The following HYDIN variants were observed in gnomAD, a reference collection of about 807,000 sequenced individuals.
HYDIN encodes the protein axonemal central pair apparatus protein HYDIN.
HYDIN carries 132 observed loss-of-function variants against 403.9 expected under a neutral mutation model. The ratio of observed to expected loss-of-function variants is 0.33; its 90% CI spans 0.28 to 0.38. The LOEUF is 0.38. Among genes scored for constraint, HYDIN ranks in the 10% least tolerant of loss-of-function variants. HYDIN has a pLI of 1.00. For missense variants in HYDIN, 2,827 were observed against 5,009.5 expected, an observed-to-expected ratio of 0.56 and a Z score of 13.15; for synonymous variants, 1,202 against 1,891.7, an observed-to-expected ratio of 0.64 and a Z score of 9.46.
In HYDIN at chr16:71,175,754, A is replaced by G. The variant is rs2086646098; in HGVS notation, c.382-13T>C. The G allele has an allele frequency of 6.2e-7, 1 of 1,613,812 alleles. No individual in the cohort carries two copies. Among genetic ancestry groups the G allele is most frequent in the African/African-American group, 1.3e-5 (1 of 74,942 alleles). ...CCAACCTTGGAATCTGCAGGGAAAC[A>G]CATGATGATGAACATCGTGCATGTG... On this transcript the variant is annotated splice_polypyrimidine_tract_variant and intron_variant, in intron 4 of 85. Coordinates refer to ENST00000393567, the MANE Select transcript of HYDIN (RefSeq NM_001270974.2).
intron 7 of HYDIN, among the ~76,000 whole-genome samples, chr16:71,137,896 C>CATAAGTAACCACATCCCTAAACAGCAATT (rs1039618290): frequency 2.0e-5 from 3 of 150,610 alleles, no homozygotes; most frequent in Non-Finnish European, 4.4e-5. Flanking sequence ...TAAAACAAAA[C>CATAAGTAACCACATCCCTAAACAGCAATT]AAAACAAAAC....
At chr16:71,198,189 T>C (rs951741536) in intron 1 of HYDIN, among the ~76,000 whole-genome samples, 2 of 152,398 alleles carry the variant, frequency 1.3e-5, no homozygotes, top group Non-Finnish European at 2.9e-5. Flanking sequence ...TTTTATTATA[T>C]ACAGCTGTAG....
At chr16:70,931,777 G>A (rs1487935737) in intron 45 of HYDIN, among the ~76,000 whole-genome samples, 1 of 152,120 alleles carries the variant, frequency 6.6e-6, no homozygotes, top group Admixed American at 6.5e-5. Flanking sequence ...CACTTTGGGA[G>A]GCCAAGGTGG....
At chr16:70,931,998 G>A (rs1401884672) in intron 45 of HYDIN, among the ~76,000 whole-genome samples, 6 of 98,710 alleles carry the variant, frequency 6.1e-5, no homozygotes, top group Admixed American at 1.5e-4. Flanking sequence ...GCGACAGAGC[G>A]AGACTTGTAT....
At chr16:70,931,360 G>A (rs2077326156) in intron 45 of HYDIN, among the ~76,000 whole-genome samples, 1 of 150,626 alleles carries the variant, frequency 6.6e-6, no homozygotes, top group Non-Finnish European at 1.5e-5. Flanking sequence ...CCTGAATTGA[G>A]TCTTCTATTT....
chr16:71,203,117 T>C (rs1441531166), intron 1 of HYDIN, among the ~76,000 whole-genome samples: 1 of 152,144 alleles, frequency 6.6e-6, no homozygotes, highest in African/African-American at 2.4e-5. Context: ...AAGCCAAGTA[T>C]ATAAAAGCAG....
chr16:71,198,288 C>T (rs903953028), intron 1 of HYDIN, among the ~76,000 whole-genome samples: 1 of 152,144 alleles, frequency 6.6e-6, no homozygotes, highest in African/African-American at 2.4e-5. Context: ...TTGTTTCCAA[C>T]TTGAGGTTGT....
chr16:71,025,812 T>TA (rs948336878), intron 20 of HYDIN, among the ~76,000 whole-genome samples: 2 of 151,952 alleles, frequency 1.3e-5, no homozygotes, highest in Admixed American at 1.3e-4. Flanking sequence ...ACAAGACAGA[T>TA]AAAATCTTTC....
intron 5 of HYDIN, among the ~76,000 whole-genome samples, chr16:71,172,247 T>C (rs777693929): frequency 2.0e-5 from 3 of 152,242 alleles, no homozygotes; most frequent in Non-Finnish European, 2.9e-5. Context: ...CACCACTGCA[T>C]GCTTTCTTCA....
chr16:71,050,340 T>C (rs2144229168), intron 18 of HYDIN, among the ~76,000 whole-genome samples: 1 of 144,268 alleles, frequency 6.9e-6, no homozygotes, highest in East Asian at 1.9e-4. Context: ...AACCATCAAA[T>C]AGAATCATAT....
intron 7 of HYDIN, among the ~76,000 whole-genome samples, chr16:71,148,454 C>T (rs1379116660): frequency 2.0e-5 from 3 of 152,154 alleles, no homozygotes; most frequent in Non-Finnish European, 4.4e-5. Flanking sequence ...CTGCAGATGA[C>T]CTGTTTGTGT....
intron 67 of HYDIN, among the ~76,000 whole-genome samples, chr16:70,863,449 G>A (rs571040579): frequency 1.3e-5 from 2 of 152,066 alleles, no homozygotes; most frequent in African/African-American, 2.4e-5. Flanking sequence ...CCTGTGCAGC[G>A]AGCTCTCAGC....
At chr16:71,059,654 G>T (rs2082017615) in intron 18 of HYDIN, among the ~76,000 whole-genome samples, 2 of 152,120 alleles carry the variant, frequency 1.3e-5, no homozygotes, top group African/African-American at 2.4e-5. Flanking sequence ...GAGGAAGAGA[G>T]AATATAAAAA....
intron 14 of HYDIN, among the ~76,000 whole-genome samples, chr16:71,067,618 C>T (rs916337697): frequency 5.9e-5 from 9 of 151,334 alleles, no homozygotes; most frequent in African/African-American, 2.2e-4. Flanking sequence ...TGGCTTTGCT[C>T]ATTTCTGAGG....
chr16:70,962,878 G>A (rs1275068214), intron 37 of HYDIN, among the ~76,000 whole-genome samples: 3 of 146,356 alleles, frequency 2.0e-5, no homozygotes, highest in East Asian at 2.0e-4. Context: ...GATCTATAGC[G>A]TGAGAGCAGA....
At chr16:70,974,324 T>C (rs958119992) in intron 32 of HYDIN, 24 bp from the exon 33 acceptor site, 4 of 1,519,212 alleles carry the variant, frequency 2.6e-6, no homozygotes, top group Non-Finnish European at 3.5e-6. Context: ...AAAAAAAATT[T>C]CTTCATGGAA....
chr16:70,900,956 G>A (rs754583157), intron 53 of HYDIN, 48 bp downstream of exon 53: 5 of 567,620 alleles, frequency 8.8e-6, no homozygotes, highest in East Asian at 5.8e-5. Context: ...GTGTGTGTGT[G>A]TGTGTACATG....
At chr16:70,820,124 C>T (rs1272193927) in intron 83 of HYDIN, among the ~76,000 whole-genome samples, 3 of 148,526 alleles carry the variant, frequency 2.0e-5, no homozygotes, top group Non-Finnish European at 4.5e-5. Flanking sequence ...CTGGCCTTCA[C>T]TCCCTGTCTT....
rs532855577 is a variant in HYDIN at position 71,178,309 on chromosome 16, C to A, written c.381+619G>T. Among the ~76,000 whole-genome samples, 631 of 151,478 alleles carry A rather than the reference C, an allele frequency of 4.2e-3. 6 individuals carry two copies. Among genetic ancestry groups the A allele is most frequent in the African/African-American group, 0.014 (598 of 41,324 alleles). On this transcript the variant is annotated intron_variant, in intron 4 of 85. Coordinates refer to ENST00000393567, the MANE Select transcript of HYDIN (RefSeq NM_001270974.2). ...TGGCGCATGCCTGTAGTCCCAGCTACTGGGGAGGCTGAGGCAGGAGAATCG... is the reference window on the plus strand; with the variant it reads ...TGGCGCATGCCTGTAGTCCCAGCTAATGGGGAGGCTGAGGCAGGAGAATCG...
Sources: gnomAD v4.1 joint callset for allele counts (sites outside exome capture counted in the v4.1 genomes callset) on GRCh38, gnomAD v4.1.1 for gene constraint, MANE v1.5 for transcripts, NCBI Gene and HGNC (gene_info 2026-07-23, HGNC 2026-07-21) for gene names.